The following CAMKMT variants were observed in gnomAD, a reference collection of about 807,000 sequenced individuals.
CAMKMT encodes the protein CaM KMT.
A neutral mutation model predicts 48.0 loss-of-function variants in CAMKMT; 53 were observed. The ratio of observed to expected loss-of-function variants is 1.10; its 90% confidence interval spans 0.89 to 1.39. CAMKMT has a LOEUF of 1.39. Among genes scored for constraint, CAMKMT ranks in the 40% most tolerant of loss-of-function variants. The pLI is 0.00. For missense variants in CAMKMT, 428 were observed against 402.7 expected (o/e 1.06, Z -0.54); for synonymous variants, 165 against 152.3 (o/e 1.08, Z -0.61).
chr2:44,435,789 A>T (rs1486868456), intron 3 of CAMKMT, among the ~76,000 whole-genome samples: 2 of 152,208 alleles, frequency 1.3e-5, no homozygotes, highest in Non-Finnish European at 2.9e-5. Flanking sequence ...CTTTTAAAGA[A>T]AGCTTAAAAT....
chr2:44,424,467 C>A (rs894994681), intron 3 of CAMKMT, among the ~76,000 whole-genome samples: 1 of 152,054 alleles, frequency 6.6e-6, no homozygotes, highest in African/African-American at 2.4e-5. Flanking sequence ...TGGGGGCTAG[C>A]AGAACAGAAC....
intron 3 of CAMKMT, among the ~76,000 whole-genome samples, chr2:44,518,502 T>C (rs1382406736): frequency 6.6e-6 from 1 of 152,236 alleles, no homozygotes; most frequent in Admixed American, 6.5e-5. Flanking sequence ...GAATCTACTG[T>C]ATATTCTTAC....
chr2:44,662,084 C>G (rs572390363), intron 3 of CAMKMT, among the ~76,000 whole-genome samples: 15 of 152,306 alleles, frequency 9.8e-5, no homozygotes, highest in Non-Finnish European at 1.8e-4. Context: ...TAATCAGAGA[C>G]TAACAGATAC....
chr2:44,546,951 G>A (rs1667444081), intron 3 of CAMKMT, among the ~76,000 whole-genome samples: 1 of 152,066 alleles, frequency 6.6e-6, no homozygotes, highest in Admixed American at 6.6e-5. Flanking sequence ...CCTTTTTAGT[G>A]GGGGTTTTTA....
chr2:44,638,498 C>A (rs888220840), intron 3 of CAMKMT, among the ~76,000 whole-genome samples: 3 of 152,332 alleles, frequency 2.0e-5, no homozygotes, highest in African/African-American at 7.2e-5. Flanking sequence ...CGTGAAAACT[C>A]TTCTAGTGAG....
intron 3 of CAMKMT, among the ~76,000 whole-genome samples, chr2:44,552,021 A>G (rs1667742267): frequency 6.6e-6 from 1 of 152,136 alleles, no homozygotes. Flanking sequence ...AGAGGGGGAC[A>G]AGTGCAGTTT....
At chr2:44,656,760 G>GA (rs111357800) in intron 3 of CAMKMT, among the ~76,000 whole-genome samples, 19,034 of 151,306 alleles carry the variant, frequency 0.13, 1,261 homozygotes, top group South Asian at 0.17. Flanking sequence ...CCCAAATTAA[G>GA]AAAAAAACCT....
intron 8 of CAMKMT, among the ~76,000 whole-genome samples, chr2:44,751,171 T>C (rs543249868): frequency 1.3e-5 from 2 of 152,218 alleles, no homozygotes; most frequent in Non-Finnish European, 2.9e-5. Context: ...GAGATCACTA[T>C]GGATGCAAGT....
intron 3 of CAMKMT, among the ~76,000 whole-genome samples, chr2:44,659,266 A>C (rs185686938): frequency 3.3e-5 from 5 of 152,040 alleles, no homozygotes; most frequent in Admixed American, 1.3e-4. Flanking sequence ...ACAAAATAAA[A>C]AATAAAAAAA....
At chr2:44,389,316 T>C (rs1215032178) in intron 2 of CAMKMT, among the ~76,000 whole-genome samples, 2 of 152,154 alleles carry the variant, frequency 1.3e-5, no homozygotes, top group African/African-American at 2.4e-5. Context: ...TTGCTAAATA[T>C]AGTCACCTTT....
intron 3 of CAMKMT, among the ~76,000 whole-genome samples, chr2:44,471,669 G>A (rs1394447645): frequency 6.6e-6 from 1 of 152,146 alleles, no homozygotes; most frequent in Non-Finnish European, 1.5e-5. Flanking sequence ...TATAGCTTAA[G>A]CATTTACTAG....
intron 1 of CAMKMT, among the ~76,000 whole-genome samples, chr2:44,368,030 T>C (rs1325707882): frequency 6.6e-6 from 1 of 152,236 alleles, no homozygotes. Context: ...TGTGTTCAGT[T>C]GCATACGTTG....
At chr2:44,674,173 A>G (rs1675531419) in intron 3 of CAMKMT, among the ~76,000 whole-genome samples, 1 of 152,192 alleles carries the variant, frequency 6.6e-6, no homozygotes, top group African/African-American at 2.4e-5. Context: ...TCATCATGCT[A>G]TATGTAAGAG....
chr2:44,380,229 G>C (rs1385253229), intron 2 of CAMKMT, among the ~76,000 whole-genome samples: 1 of 151,984 alleles, frequency 6.6e-6, no homozygotes, highest in African/African-American at 2.4e-5. Flanking sequence ...ATAGCTTTAG[G>C]TGCTTGTGAA....
At chr2:44,548,384 A>T (rs764118160) in intron 3 of CAMKMT, among the ~76,000 whole-genome samples, 45 of 152,276 alleles carry the variant, frequency 3.0e-4, no homozygotes, top group Non-Finnish European at 5.7e-4. Context: ...TATCTTTCTA[A>T]GCTAGAAAGC....
chr2:44,727,093 T>G, intron 7 of CAMKMT, among the ~76,000 whole-genome samples: 1 of 147,954 alleles, frequency 6.8e-6, no homozygotes, highest in East Asian at 1.9e-4. Flanking sequence ...TTGTTTTGGC[T>G]ATTTGGACTC....
chr2:44,766,387 C>T, intron 9 of CAMKMT, 43 bp from the exon 10 acceptor site: 1 of 1,610,878 alleles, frequency 6.2e-7, no homozygotes, highest in Non-Finnish European at 8.5e-7. Flanking sequence ...GTTTGGTTAC[C>T]TTCCAGTTTT....
intron 3 of CAMKMT, among the ~76,000 whole-genome samples, chr2:44,490,553 G>T (rs948105609): frequency 5.9e-5 from 9 of 152,120 alleles, no homozygotes; most frequent in Non-Finnish European, 8.8e-5. Flanking sequence ...GGGATTACAG[G>T]CATGAGCCAC....
At chr2:44,699,436 A>G (rs920021801) in intron 3 of CAMKMT, among the ~76,000 whole-genome samples, 5 of 152,180 alleles carry the variant, frequency 3.3e-5, no homozygotes, top group Non-Finnish European at 5.9e-5. Context: ...AATGAGCAGT[A>G]TATAATATTT....
Sources: gnomAD v4.1 joint callset for allele counts (sites outside exome capture counted in the v4.1 genomes callset) on GRCh38, gnomAD v4.1.1 for gene constraint, MANE v1.5 for transcripts, NCBI Gene and HGNC (gene_info 2026-07-23, HGNC 2026-07-21) for gene names.